Variants in OPCML observed in about 807,000 individuals in gnomAD.
OPCML encodes opioid-binding protein/cell adhesion molecule.
A neutral mutation model predicts 37.8 loss-of-function variants in OPCML; 13 were observed. That is an observed-to-expected ratio of 0.34 (90% confidence interval 0.22 to 0.55). The LOEUF (loss-of-function observed/expected upper bound fraction) is 0.55, where lower values mean the gene tolerates loss of function less well. Among genes scored for constraint, OPCML ranks in the 20% least tolerant of loss-of-function variants. The pLI is 0.91. For missense variants in OPCML, 341 were observed against 435.6 expected (o/e 0.78, Z 1.93); for synonymous variants, 176 against 168.8 (o/e 1.04, Z -0.33).
At position 133,211,528 on chromosome 11, in the gene OPCML, G is replaced by C. The variant is rs1181614570; in HGVS notation, c.62-268518C>G. 3.3e-5 allele frequency among the ~76,000 whole-genome samples: 5 copies of C among 152,170 alleles called. No individual in the cohort carries two copies. The highest frequency in any genetic ancestry group is 1.2e-4 in the African/African-American group (5 of 41,424). ...CTGTTGCATATAAGTCAGAGGAGGG[G>C]CTTTGAAAACTTGAACACTTCCGAA... On this transcript the variant is annotated intron_variant, in intron 1 of 7. Coordinates refer to ENST00000524381, the MANE Select transcript of OPCML (RefSeq NM_001012393.5). The surrounding 1 kb of genome is among the most constrained non-coding windows in gnomAD (Gnocchi z 4.1).
rs1238759350 is a variant in OPCML at position 132,576,893 on chromosome 11, AG to A, written c.380-47708del. 2.0e-5 allele frequency among the ~76,000 whole-genome samples: 3 copies of A among 152,108 alleles called. No individual in the cohort carries two copies. The East Asian group carries it at 5.8e-4, about 29-fold the overall frequency. The stretch of plus-strand genomic sequence containing the variant: ...GGGCGCTATAGTGTCTGCCAATCCA[AG>A]CTGCCACGTCCACTCTCTCCCAGGC... On this transcript the variant is annotated intron_variant, in intron 3 of 7. Coordinates refer to ENST00000524381, the MANE Select transcript of OPCML (RefSeq NM_001012393.5).
At chr11:132,815,577 G>T (rs1482578149) in intron 2 of OPCML, among the ~76,000 whole-genome samples, 1 of 152,092 alleles carries the variant, frequency 6.6e-6, no homozygotes, top group Non-Finnish European at 1.5e-5. Flanking sequence ...TGTTAGGTTT[G>T]TGTGAGTTGA....
intron 2 of OPCML, among the ~76,000 whole-genome samples, chr11:132,809,402 C>T (rs1939200080): frequency 6.6e-6 from 1 of 152,146 alleles, no homozygotes; most frequent in African/African-American, 2.4e-5. Context: ...CAAAGCAGCT[C>T]CGAGCTACAG....
chr11:132,792,924 C>T (rs572984516), intron 2 of OPCML, among the ~76,000 whole-genome samples: 3 of 152,302 alleles, frequency 2.0e-5, no homozygotes, highest in East Asian at 1.9e-4. Flanking sequence ...ATAAGCATGA[C>T]GGAGCCCAGT....
In OPCML at chr11:133,514,795, C is replaced by G. The variant is rs569536915; in HGVS notation, c.61+17469G>C. 3.3e-5 allele frequency among the ~76,000 whole-genome samples: 5 copies of G among 152,294 alleles called. No homozygotes were observed. In the East Asian group the frequency reaches 9.7e-4, roughly 29 times the overall value. On this transcript the variant is annotated intron_variant, in intron 1 of 7. Transcript: ENST00000524381. The stretch of plus-strand genomic sequence containing the variant: ...GGAAATTTGTCTGAGCTGTCACTCT[C>G]ACTCCTGTGTACCCTCAAGATAGTA...
At chr11:132,634,186 C>T (rs377322312) in intron 3 of OPCML, among the ~76,000 whole-genome samples, 23 of 152,292 alleles carry the variant, frequency 1.5e-4, no homozygotes, top group African/African-American at 5.5e-4. Context: ...CTATGCCCAG[C>T]CTGGCTTCCA....
intron 1 of OPCML, among the ~76,000 whole-genome samples, chr11:133,459,469 A>G (rs1331750685): frequency 6.6e-6 from 1 of 152,094 alleles, no homozygotes; most frequent in Non-Finnish European, 1.5e-5. Flanking sequence ...CATATCCTAT[A>G]TATAAGAGAC....
chr11:132,861,195 T>C (rs567728246), intron 2 of OPCML, among the ~76,000 whole-genome samples: 1 of 152,330 alleles, frequency 6.6e-6, no homozygotes, highest in African/African-American at 2.4e-5. Context: ...CACCAGGCTC[T>C]CGGGATGTTT....
intron 1 of OPCML, among the ~76,000 whole-genome samples, chr11:133,138,396 T>G (rs1051335526): frequency 3.9e-5 from 6 of 152,164 alleles, no homozygotes; most frequent in African/African-American, 9.7e-5. Context: ...CTCTGTTCAA[T>G]CAAGGTAACC....
intron 3 of OPCML, among the ~76,000 whole-genome samples, chr11:132,600,882 A>C (rs1357264633): frequency 9.9e-6 from 1 of 101,144 alleles, no homozygotes; most frequent in Non-Finnish European, 1.8e-5. Flanking sequence ...CACGGTCTCT[A>C]TATTGCTTAG....
At chr11:133,184,242 A>G (rs1182153307) in intron 1 of OPCML, among the ~76,000 whole-genome samples, 1 of 152,226 alleles carries the variant, frequency 6.6e-6, no homozygotes, top group Non-Finnish European at 1.5e-5. Flanking sequence ...TTGGGGAGAT[A>G]GGGTGGTGAA....
intron 1 of OPCML, among the ~76,000 whole-genome samples, chr11:133,468,536 A>T (rs781707223): frequency 1.3e-5 from 2 of 152,238 alleles, no homozygotes; most frequent in Non-Finnish European, 1.5e-5. Context: ...TGTCAGGTCC[A>T]GATGACTGAC....
At chr11:132,906,167 T>C (rs1456578166) in intron 2 of OPCML, among the ~76,000 whole-genome samples, 1 of 152,180 alleles carries the variant, frequency 6.6e-6, no homozygotes, top group Admixed American at 6.5e-5. Context: ...CATCGATGCA[T>C]TAATCCATGG....
chr11:133,106,988 G>A (rs1318001345), intron 1 of OPCML, among the ~76,000 whole-genome samples: 1 of 152,194 alleles, frequency 6.6e-6, no homozygotes, highest in Non-Finnish European at 1.5e-5. Flanking sequence ...TTTCAACTCA[G>A]TAGGTAATAC....
intron 2 of OPCML, among the ~76,000 whole-genome samples, chr11:132,920,174 C>T (rs1944741896): frequency 6.6e-6 from 1 of 152,204 alleles, no homozygotes; most frequent in South Asian, 2.1e-4. Flanking sequence ...AAAATAATTA[C>T]ATTTCTTAAA....
At chr11:132,437,512 C>T (rs2096017268) in intron 4 of OPCML, 153 bp from the exon 5 acceptor site, 2 of 982,626 alleles carry the variant, frequency 2.0e-6, no homozygotes, top group Non-Finnish European at 2.4e-6. Context: ...TCATGTTGCT[C>T]AAAAGATACG....
chr11:133,336,883 G>A (rs1333134811), intron 1 of OPCML, among the ~76,000 whole-genome samples: 1 of 152,226 alleles, frequency 6.6e-6, no homozygotes, highest in Non-Finnish European at 1.5e-5. Flanking sequence ...TCAAGGGCAG[G>A]CTTCAAGTTA....
chr11:133,025,531 A>C, intron 1 of OPCML: 1 of 928,416 alleles, frequency 1.1e-6, no homozygotes, highest in Non-Finnish European at 1.3e-6. Flanking sequence ...GGTTGAAAGC[A>C]AAGCTGAAAA....
chr11:132,469,668 ATG>A (rs1172537852), intron 4 of OPCML, among the ~76,000 whole-genome samples: 2 of 51,502 alleles, frequency 3.9e-5, no homozygotes, highest in Non-Finnish European at 7.1e-5. Context: ...GTGGGGGTGT[ATG>A]TGTGTGTATA....
Sources: allele counts gnomAD v4.1 joint callset (sites outside exome capture counted in the v4.1 genomes callset), GRCh38; gene constraint gnomAD v4.1.1; non-coding constraint Gnocchi (gnomAD v3.1); transcripts MANE v1.5; gene names NCBI Gene and HGNC (gene_info 2026-07-23, HGNC 2026-07-21).